Variants in INPP5F observed in about 807,000 individuals in gnomAD.
INPP5F encodes inositol polyphosphate-5-phosphatase F, also known as phosphatidylinositide 4-phosphatase SAC2.
In INPP5F, 97 loss-of-function variants were observed where a neutral mutation model predicts 137.2. The ratio of observed to expected loss-of-function variants is 0.71; its 90% CI spans 0.60 to 0.84. The LOEUF (loss-of-function observed/expected upper bound fraction) is 0.84, where lower values mean the gene tolerates loss of function less well. INPP5F is among the 40% of genes least tolerant of loss of function. The probability of loss-of-function intolerance (pLI) is 0.00; values close to 1 mark genes in which losing one functional copy is unlikely to be tolerated. For synonymous variants in INPP5F, 504 were observed against 476.9 expected, an observed-to-expected ratio of 1.06 and a Z score of -0.74; for missense variants, 1,271 against 1,371.9, an observed-to-expected ratio of 0.93 and a Z score of 1.16.
intron 2 of INPP5F, among the ~76,000 whole-genome samples, chr10:119,771,400 T>C (rs527607563): frequency 6.6e-6 from 1 of 152,276 alleles, no homozygotes; most frequent in East Asian, 1.9e-4. Flanking sequence ...AGCTTTTTTT[T>C]TTAATTTAAA....
chr10:119,731,093 A>G (rs1848051073), intron 1 of INPP5F, among the ~76,000 whole-genome samples: 1 of 152,074 alleles, frequency 6.6e-6, no homozygotes, highest in Non-Finnish European at 1.5e-5. Flanking sequence ...GGCCTGAACA[A>G]TTTTTTGAGG....
rs748755936 is a variant in INPP5F, at chr10:119,827,549, T to G, written c.3168T>G (p.Thr1056=). Residue 1056 remains threonine, a synonymous_variant, in exon 20 of 20, where the codon ACT becomes ACG. Transcript: ENST00000650623. The stretch of plus-strand genomic sequence containing the variant: ...AACTTGAGACAGGGCTTCATGTAAC[T>G]CCTTCTCCTTCAGAGAGCAGTAGCA... ...MLELETGLHV[T]PSPSESSSSR... 6.2e-7 allele frequency: 1 copy of G among 1,613,960 alleles called. No individual in the cohort carries two copies. Among genetic ancestry groups the G allele is most frequent in the African/African-American group, 1.3e-5 (1 of 74,914 alleles).
At chr10:119,726,585 G>A (rs978491034) in intron 1 of INPP5F, among the ~76,000 whole-genome samples, 2 of 152,218 alleles carry the variant, frequency 1.3e-5, no homozygotes, top group African/African-American at 4.8e-5. Flanking sequence ...GAAGGGGCTG[G>A]CGACCCTCGT....
Position 119,731,562 on chromosome 10 carries a change from G to T in INPP5F, c.97+5203G>T, listed in dbSNP as rs1848068085. On this transcript the variant is annotated intron_variant, in intron 1 of 19. Coordinates refer to ENST00000650623, the MANE Select transcript of INPP5F (RefSeq NM_014937.4). ...GCCTATAATCCCAACTACTCGGGAG[G>T]CTAAGCCACAAGAATCGATTGAACC... Among the ~76,000 whole-genome samples, 6 of 152,222 alleles carry T rather than the reference G, an allele frequency of 3.9e-5. No homozygotes were observed. In the South Asian group the frequency reaches 1.2e-3, roughly 32 times the overall value.
At chr10:119,794,934 TG>T (rs1850296674) in intron 6 of INPP5F, among the ~76,000 whole-genome samples, 1 of 125,208 alleles carries the variant, frequency 8.0e-6, no homozygotes, top group Non-Finnish European at 1.7e-5. Context: ...ATGGGGCGGC[TG>T]GCCGGGCAGA....
chr10:119,780,024 A>G (rs1849651968), intron 2 of INPP5F, among the ~76,000 whole-genome samples: 1 of 152,168 alleles, frequency 6.6e-6, no homozygotes, highest in African/African-American at 2.4e-5. Flanking sequence ...ATACTTTTCT[A>G]TCACTAGCAG....
chr10:119,749,628 A>G (rs187496197), intron 1 of INPP5F, among the ~76,000 whole-genome samples: 143 of 152,254 alleles, frequency 9.4e-4, no homozygotes, highest in African/African-American at 3.4e-3. Context: ...AGCAGCCTTG[A>G]TCCGATCCAT....
At chr10:119,729,255 C>G (rs1434927044) in intron 1 of INPP5F, among the ~76,000 whole-genome samples, 1 of 151,634 alleles carries the variant, frequency 6.6e-6, no homozygotes, top group East Asian at 2.0e-4. Context: ...AAGCGATTCT[C>G]CTGTTTCAGA....
At chr10:119,793,171 G>A (rs892943313) in intron 6 of INPP5F, among the ~76,000 whole-genome samples, 1 of 152,186 alleles carries the variant, frequency 6.6e-6, no homozygotes, top group African/African-American at 2.4e-5. Context: ...CCGAGTTTTT[G>A]TCAGAATGCT....
In INPP5F at chr10:119,827,001, C is replaced by A. The variant is rs1447076125; in HGVS notation, c.2620C>A (p.Gln874Lys). The part of the protein sequence containing the change: ...LTNSKSDEDR[Q>K]LANSLESVGP... Reference sequence around the variant, plus strand: ...AAATTCTAAGTCTGATGAAGACAGGCAGCTAGCTAACTCATTAGAGAGTGT... The same window carrying A: ...AAATTCTAAGTCTGATGAAGACAGGAAGCTAGCTAACTCATTAGAGAGTGT... Residue 874 changes from glutamine (Q) to lysine (K), a missense_variant, in exon 20 of 20, where the codon CAG becomes AAG. Gln to Lys is a moderately conservative substitution (Grantham distance 53, BLOSUM62 1). Around this residue, in one of 6 missense-constraint regions of INPP5F, gnomAD observed 490 missense variants for 443.7 expected, o/e 1.10. Coordinates refer to ENST00000650623, the MANE Select transcript of INPP5F (RefSeq NM_014937.4). 1 of 1,614,126 alleles carries A rather than the reference C, an allele frequency of 6.2e-7. No homozygotes were observed. The highest frequency in any genetic ancestry group is 8.5e-7 in the Non-Finnish European group (1 of 1,179,980).
chr10:119,792,567 GT>G (rs397847812), intron 6 of INPP5F, among the ~76,000 whole-genome samples: 1,382 of 124,588 alleles, frequency 0.011, 11 homozygotes, highest in African/African-American at 0.03. Flanking sequence ...AATGGTACCA[GT>G]TTTTTTTTTT....
chr10:119,760,690 C>T (rs1297502822), intron 2 of INPP5F, among the ~76,000 whole-genome samples: 1 of 152,208 alleles, frequency 6.6e-6, no homozygotes, highest in Non-Finnish European at 1.5e-5. Context: ...CAACCATTGA[C>T]AGCAAAAAAT....
At chr10:119,781,904 ATT>A (rs1849723054) in intron 3 of INPP5F, 133 bp downstream of exon 3, 1 of 745,320 alleles carries the variant, frequency 1.3e-6, no homozygotes, top group African/African-American at 1.8e-5. Context: ...TAATCCTAAG[ATT>A]TTCCAACTTA....
chr10:119,811,146 A>G (rs901176844), intron 14 of INPP5F, among the ~76,000 whole-genome samples: 1 of 152,250 alleles, frequency 6.6e-6, no homozygotes, highest in African/African-American at 2.4e-5. Flanking sequence ...AGCCATCCAC[A>G]GCATCAGCTG....
rs917106420 is a variant in INPP5F at position 119,811,876 on chromosome 10, T to G, written c.1807T>G (p.Leu603Val). 10 of 1,613,402 alleles carry G rather than the reference T, an allele frequency of 6.2e-6. No individual in the cohort carries two copies. The Admixed American group carries it at 8.3e-5, about 13-fold the overall frequency. ...RSHQELISQLLQSYMKLLLPD... is the reference protein window; with the variant it reads ...RSHQELISQLVQSYMKLLLPD... ...CCACCAGGAACTAATTAGCCAGCTCTTACAAAGTTACATGAAGTTACTACT... is the reference window on the plus strand; with the variant it reads ...CCACCAGGAACTAATTAGCCAGCTCGTACAAAGTTACATGAAGTTACTACT... Residue 603 changes from leucine (L) to valine (V), a missense_variant, in exon 15 of 20, where the codon TTA (leucine) becomes GTA (valine). Around this residue, in one of 6 missense-constraint regions of INPP5F, gnomAD observed 593 missense variants for 712.4 expected, o/e 0.83. Transcript: ENST00000650623.
intron 6 of INPP5F, among the ~76,000 whole-genome samples, chr10:119,792,955 ATGATT>A (rs1278062798): frequency 1.3e-5 from 2 of 152,110 alleles, no homozygotes; most frequent in Non-Finnish European, 2.9e-5. Flanking sequence ...GTTAGTATCA[ATGATT>A]TTCACATAAT....
intron 2 of INPP5F, among the ~76,000 whole-genome samples, chr10:119,754,395 C>G (rs1024000172): frequency 7.9e-5 from 12 of 151,298 alleles, no homozygotes; most frequent in Non-Finnish European, 1.5e-4. Context: ...GTGGTCAGCC[C>G]CCTTTATATG....
In INPP5F at chr10:119,827,981, G is replaced by T; in HGVS notation, c.*201G>T. 1.9e-6 allele frequency: 1 copy of T among 527,956 alleles called. No homozygotes were observed. Among genetic ancestry groups the T allele is most frequent in the South Asian group, 2.2e-5 (1 of 45,908 alleles). 32.7% of individuals were successfully genotyped at this position (527,956 alleles called of 1,614,324 possible). ...GAAGTGCATCATTCTAGAATGTGTA[G>T]ACCTGAGTAGCTTATACACTACAGA... On this transcript the variant is annotated 3_prime_UTR_variant, in exon 20 of 20. Transcript: ENST00000650623.
At chr10:119,740,078 GGT>G (rs1254792603) in intron 1 of INPP5F, among the ~76,000 whole-genome samples, 2 of 152,002 alleles carry the variant, frequency 1.3e-5, no homozygotes, top group African/African-American at 4.8e-5. Context: ...AATTTTGTCA[GGT>G]ATTGTTGCCA....
Sources: allele counts gnomAD v4.1 joint callset (sites outside exome capture counted in the v4.1 genomes callset), GRCh38; gene constraint gnomAD v4.1.1; regional missense constraint gnomAD v4.1.1; transcripts MANE v1.5; gene names NCBI Gene and HGNC (gene_info 2026-07-23, HGNC 2026-07-21).